The following TSR1 variants were observed in gnomAD, a reference collection of about 807,000 sequenced individuals.
TSR1 encodes TSR1 ribosome maturation factor, also known as pre-rRNA-processing protein TSR1 homolog.
Under a neutral mutation model 90.9 loss-of-function variants are expected in TSR1, and 81 were observed. That is an observed-to-expected ratio of 0.89 (90% CI 0.74 to 1.07). The LOEUF (loss-of-function observed/expected upper bound fraction) is 1.07. Ranked by LOEUF, TSR1 falls within the 50% of genes least tolerant of loss-of-function variation. The pLI is 0.00. For missense variants in TSR1, 989 were observed against 987.3 expected (o/e 1.00, Z -0.02); for synonymous variants, 362 against 348.8 (o/e 1.04, Z -0.42).
intron 10 of TSR1, 45 bp downstream of exon 10, chr17:2,330,470 G>A: frequency 6.4e-7 from 1 of 1,559,910 alleles, no homozygotes; most frequent in Non-Finnish European, 8.8e-7. Flanking sequence ...AGAAGCAGCT[G>A]GAAAGTTTCA....
At chr17:2,333,248 A>G in intron 6 of TSR1, 124 bp from the exon 7 acceptor site, 1 of 1,146,264 alleles carries the variant, frequency 8.7e-7, no homozygotes, top group Non-Finnish European at 1.3e-6. Context: ...GACACTGTAA[A>G]TAGAACTACT....
At chr17:2,329,625 G>A (rs185366948) in intron 10 of TSR1, 150 bp from the exon 11 acceptor site, 27 of 974,588 alleles carry the variant, frequency 2.8e-5, no homozygotes, top group South Asian at 2.3e-4. Flanking sequence ...TGAAACACGG[G>A]TTCATCCTTT....
At position 2,335,342 on chromosome 17, in the gene TSR1, G is replaced by C. The variant is rs1387120478; in HGVS notation, c.474C>G (p.Phe158Leu). The C allele has an allele frequency of 7.4e-6, 12 of 1,613,794 alleles. No homozygotes were observed. The highest frequency in any genetic ancestry group is 1.0e-5 in the Non-Finnish European group (12 of 1,180,016). The part of the protein sequence containing the change: ...DMAKVADTIL[F>L]LLDPLEGWDS... ...CCCAGCCTTCTAGTGGATCAAGGAG[G>C]AACAGGATGGTATCAGCTACTTTAG... Residue 158 changes from phenylalanine (F) to leucine (L), a missense_variant, in exon 4 of 15, where the codon TTC becomes TTG. Phe to Leu is a conservative substitution (Grantham distance 22). Coordinates refer to ENST00000301364, the MANE Select transcript of TSR1 (RefSeq NM_018128.5).
Position 2,335,723 on chromosome 17 carries a change from G to A in TSR1, c.209C>T (p.Ala70Val). 6.2e-7 allele frequency: 1 copy of A among 1,612,678 alleles called. No homozygotes were observed. The highest frequency in any genetic ancestry group is 1.1e-5 in the South Asian group (1 of 91,030). ...LRKQKKEAVL[A>V]EKRQLGGKDG... ...CTTGCCACCCAGCTGTCTCTTCTCT[G>A]CCAGAACCTGAAAATAGAAAGATAT... Residue 70 changes from alanine to valine, a missense_variant, in exon 3 of 15, where the codon GCA becomes GTA. Transcript: ENST00000301364.
In TSR1 at chr17:2,323,103, G is replaced by A. The variant is rs780474231; in HGVS notation, c.*1093C>T. The A allele has an allele frequency of 6.2e-7, 1 of 1,606,512 alleles. No homozygotes were observed. The highest frequency in any genetic ancestry group is 2.2e-5 in the East Asian group (1 of 44,826). ...AGACATGCAGGCAATGTTGTGGTTT[G>A]TTGTTAAGATGTCTTAATATTCCTC... On this transcript the variant is annotated 3_prime_UTR_variant, in exon 15 of 15. Coordinates refer to ENST00000301364, the MANE Select transcript of TSR1 (RefSeq NM_018128.5).
chr17:2,325,466 C>T, intron 11 of TSR1, 46 bp from the exon 12 acceptor site: 2 of 1,483,748 alleles, frequency 1.3e-6, no homozygotes, highest in Non-Finnish European at 1.9e-6. Flanking sequence ...TTTTGAGAAA[C>T]CAGAGGTGAT....
intron 6 of TSR1, 154 bp downstream of exon 6, chr17:2,333,401 GTT>G: frequency 1.0e-6 from 1 of 968,746 alleles, no homozygotes; most frequent in Non-Finnish European, 1.6e-6. Flanking sequence ...TGTGTATAAT[GTT>G]TGTTTATTGA....
rs771382164 is a variant in TSR1 at position 2,334,578 on chromosome 17, A to G, written c.875T>C (p.Val292Ala). 4 of 1,614,088 alleles carry G rather than the reference A, an allele frequency of 2.5e-6. No individual in the cohort carries two copies. Among genetic ancestry groups the G allele is most frequent in the East Asian group, 4.5e-5 (2 of 44,896 alleles). ...TLNVNRLLHI[V>A]GYGDFQMKQI... ...TTTCATCTGGAAATCACCATATCCA[A>G]CGATATGCAGCAACCTATTGACATT... The change falls in exon 5 of 15, where the codon GTT becomes GCT. Residue 292 changes from valine to alanine, a missense_variant. Physicochemically the swap from Val to Ala is moderately conservative, Grantham distance 64. Coordinates refer to ENST00000301364, the MANE Select transcript of TSR1 (RefSeq NM_018128.5).
At chr17:2,334,329 C>G in intron 5 of TSR1, 143 bp downstream of exon 5, 1 of 876,334 alleles carries the variant, frequency 1.1e-6, no homozygotes, top group Non-Finnish European at 1.8e-6. Context: ...TGTGATTTAT[C>G]AACCTATTTA....
At chr17:2,329,282 C>A (rs1236875751) in intron 11 of TSR1, 61 bp downstream of exon 11, 5 of 1,610,888 alleles carry the variant, frequency 3.1e-6, no homozygotes, top group African/African-American at 1.3e-5. Flanking sequence ...GGCACCCCTC[C>A]ACCACAAGTC....
intron 8 of TSR1, among the ~76,000 whole-genome samples, chr17:2,331,767 C>A (rs2064005612): frequency 6.6e-6 from 1 of 152,130 alleles, no homozygotes; most frequent in South Asian, 2.1e-4. Flanking sequence ...TCCTAATATC[C>A]AAAATTAATT....
chr17:2,331,754 AC>A (rs902317314), intron 8 of TSR1, among the ~76,000 whole-genome samples: 1 of 152,044 alleles, frequency 6.6e-6, no homozygotes, highest in African/African-American at 2.4e-5. Context: ...ACATAGCCTT[AC>A]CTCCTAATAT....
intron 4 of TSR1, 142 bp downstream of exon 4, chr17:2,335,118 C>T (rs2064043105): frequency 1.8e-6 from 2 of 1,100,350 alleles, no homozygotes; most frequent in African/African-American, 3.2e-5. Flanking sequence ...GAGTGATAAT[C>T]TGTAAACAAT....
In TSR1 at chr17:2,324,064, A is replaced by G; in HGVS notation, c.*132T>C. On this transcript the variant is annotated 3_prime_UTR_variant, in exon 15 of 15. Coordinates refer to ENST00000301364, the MANE Select transcript of TSR1 (RefSeq NM_018128.5). ...AACTGAGACATTTTGTCAAGGCTAA[A>G]AAAAAGTCTTGCAAAATGGGGCAGT... 7.5e-7 allele frequency: 1 copy of G among 1,335,492 alleles called. No homozygotes were observed. The highest frequency in any genetic ancestry group is 1.0e-6 in the Non-Finnish European group (1 of 981,510). The allele number at this position is 1,335,492 out of a possible 1,614,324, so 82.7% of individuals were successfully genotyped here.
Position 2,336,422 on chromosome 17 carries a change from C to A in TSR1, c.6G>T (p.Ala2=). The part of the protein sequence containing the change: M[A]AHRPGPLKQQ... ...GCTTGAGCGGGCCGGGGCGGTGGGCCGCCATGCCGCAGCGCGCGTGTACGG... is the reference window on the plus strand; with the variant it reads ...GCTTGAGCGGGCCGGGGCGGTGGGCAGCCATGCCGCAGCGCGCGTGTACGG... The change falls in exon 1 of 15, where the codon GCG becomes GCT. Residue 2 remains alanine (A), a synonymous_variant. Transcript: ENST00000301364. 6.2e-7 allele frequency: 1 copy of A among 1,610,426 alleles called. No homozygotes were observed. Among genetic ancestry groups the A allele is most frequent in the Non-Finnish European group, 8.5e-7 (1 of 1,179,838 alleles).
chr17:2,331,095 C>G lies in TSR1; in HGVS notation c.1511G>C (p.Arg504Thr), dbSNP rs760004266. 1.3e-6 allele frequency: 2 copies of G among 1,580,544 alleles called. No homozygotes were observed. Among genetic ancestry groups the G allele is most frequent in the South Asian group, 2.4e-5 (2 of 84,944 alleles). Reference sequence around the variant, plus strand: ...AGATGTCCGGAAGCTCTTAAGGCCTCTGTATTTCTGAAATCTAGAATATTG... The same window carrying G: ...AGATGTCCGGAAGCTCTTAAGGCCTGTGTATTTCTGAAATCTAGAATATTG... Reference protein sequence around the residue: ...VAARIRFQKYRGLKSFRTSPW... With the variant: ...VAARIRFQKYTGLKSFRTSPW... Residue 504 changes from arginine (R) to threonine (T), a missense_variant, in exon 9 of 15, where the codon AGA (arginine) becomes ACA (threonine). By Grantham distance (71) the Arg-to-Thr change is moderately conservative. Transcript: ENST00000301364.
intron 11 of TSR1, chr17:2,328,919 CAAAAAAAAAA>C (rs56003468): frequency 1.3e-4 from 12 of 92,426 alleles, no homozygotes; most frequent in South Asian, 3.2e-4. Context: ...GACTCCGTCT[CAAAAAAAAAA>C]AAAAAAAAAA....
rs916344644 is a variant in TSR1, at chr17:2,322,971, G to C, written c.*1225C>G. The stretch of plus-strand genomic sequence containing the variant: ...GTTGACACTGCATTTCACCAGGTTG[G>C]CCAGGCTGGTCTTGAACTCCTGACC... On this transcript the variant is annotated 3_prime_UTR_variant, in exon 15 of 15. Coordinates refer to ENST00000301364, the MANE Select transcript of TSR1 (RefSeq NM_018128.5). The C allele has an allele frequency of 4.3e-5, 27 of 632,330 alleles. No homozygotes were observed. The highest frequency in any genetic ancestry group is 6.3e-5 in the Non-Finnish European group (23 of 365,594). The allele number at this position is 632,330 out of a possible 1,614,324, so 39.2% of individuals were successfully genotyped here. A position where few individuals can be genotyped will look rare whatever the true frequency, so the allele number is the denominator to read the frequency against.
rs765272987 is a variant in TSR1 at position 2,336,404 on chromosome 17, CG to C, written c.23del (p.Pro8ArgfsTer30). ...TATGAGCTTTATTCTGCTGCTTGAG[CG>C]GGCCGGGGCGGTGGGCCGCCATGCC... MAAHRPG[P>X]LKQQNKAHKG... On this transcript the variant is annotated frameshift_variant, in exon 1 of 15. Transcript: ENST00000301364. LOFTEE classifies it high-confidence loss of function. 6.2e-7 allele frequency: 1 copy of C among 1,611,866 alleles called. No individual in the cohort carries two copies. Among genetic ancestry groups the C allele is most frequent in the South Asian group, 1.1e-5 (1 of 91,022 alleles).
Sources: gnomAD v4.1 joint callset for allele counts (sites outside exome capture counted in the v4.1 genomes callset) on GRCh38, gnomAD v4.1.1 for gene constraint, MANE v1.5 for transcripts, NCBI Gene and HGNC (gene_info 2026-07-23, HGNC 2026-07-21) for gene names.